CDH18: variants seen among roughly 807,000 people sequenced by gnomAD.
CDH18 encodes cadherin 18.
A neutral mutation model predicts 67.9 loss-of-function variants in CDH18; 31 were observed. The observed-to-expected ratio is 0.46, with a 90% confidence interval of 0.34 to 0.62. The LOEUF (loss-of-function observed/expected upper bound fraction) is 0.62, where lower values mean the gene tolerates loss of function less well. Ranked by LOEUF, CDH18 falls within the 20% of genes least tolerant of loss-of-function variation. The probability of loss-of-function intolerance (pLI) is 0.01; values close to 1 mark genes in which losing one functional copy is unlikely to be tolerated. For synonymous variants in CDH18, 362 were observed against 347.2 expected, an observed-to-expected ratio of 1.04 and a Z score of -0.48; for missense variants, 890 against 975.5, an observed-to-expected ratio of 0.91 and a Z score of 1.17.
At chr5:20,359,687 C>T (rs993348260) in intron 1 of CDH18, among the ~76,000 whole-genome samples, 1 of 152,140 alleles carries the variant, frequency 6.6e-6, no homozygotes, top group African/African-American at 2.4e-5. Flanking sequence ...ATATATATAT[C>T]AGCCTGTTTT....
At chr5:19,540,098 G>C (rs906343628) in intron 9 of CDH18, among the ~76,000 whole-genome samples, 1 of 143,292 alleles carries the variant, frequency 7.0e-6, no homozygotes, top group Non-Finnish European at 1.5e-5. Context: ...AGACACAATG[G>C]GGGTCTAGGA....
At chr5:20,104,271 C>A (rs934186412) in intron 2 of CDH18, among the ~76,000 whole-genome samples, 8 of 151,990 alleles carry the variant, frequency 5.3e-5, no homozygotes, top group Non-Finnish European at 8.8e-5. Context: ...CTCTACTGAA[C>A]AAATGTCATA....
In CDH18 at chr5:20,366,960, A is replaced by C. The variant is rs1742569537; in HGVS notation, c.-579-111455T>G. Among the ~76,000 whole-genome samples the C allele has an allele frequency of 2.0e-5, 3 of 152,222 alleles. No individual in the cohort carries two copies. In the South Asian group the frequency reaches 6.2e-4, roughly 32 times the overall value. On this transcript the variant is annotated intron_variant, in intron 1 of 14. Transcript: ENST00000507958. ...AGCTGTCATAGGTAATAGATTAGAC[A>C]GTGTATGCCCACTGGCTTCTCTTAA...
rs1301412237 is a variant in CDH18 at position 19,544,378 on chromosome 5, C to CA, written c.1254-374dup. Among the ~76,000 whole-genome samples the CA allele has an allele frequency of 2.6e-5, 4 of 151,366 alleles. No individual in the cohort carries two copies. The East Asian group carries it at 5.8e-4, about 22-fold the overall frequency. On this transcript the variant is annotated intron_variant, in intron 8 of 12. Coordinates refer to ENST00000382275, the MANE Select transcript of CDH18 (RefSeq NM_004934.5). ...AATAAGACTTCTTGTTGTTATTATT[C>CA]AAAAAAAATTAGAATCCTTGAAGTC... is the stretch of plus-strand genomic sequence containing the variant.
chr5:20,463,712 A>AG (rs1751433793), intron 1 of CDH18, among the ~76,000 whole-genome samples: 1 of 152,192 alleles, frequency 6.6e-6, no homozygotes. Context: ...GTGGGGACAC[A>AG]GCCAAACCGT....
intron 2 of CDH18, among the ~76,000 whole-genome samples, chr5:20,041,784 AG>A (rs1740440499): frequency 6.6e-6 from 1 of 152,228 alleles, no homozygotes; most frequent in Non-Finnish European, 1.5e-5. Flanking sequence ...ATGAGTCAGC[AG>A]TTGCAATGCC....
At chr5:20,150,001 C>A (rs73050770) in intron 2 of CDH18, among the ~76,000 whole-genome samples, 11,897 of 151,928 alleles carry the variant, frequency 0.078, 531 homozygotes, top group East Asian at 0.14. Flanking sequence ...AAAATGAACA[C>A]ATGTTATAAT....
chr5:20,239,751 C>T (rs1742749928), intron 2 of CDH18, among the ~76,000 whole-genome samples: 1 of 151,942 alleles, frequency 6.6e-6, no homozygotes, highest in African/African-American at 2.4e-5. Context: ...TATGAAGATG[C>T]TTGACAATCT....
At chr5:19,704,379 T>C (rs145701932) in intron 5 of CDH18, among the ~76,000 whole-genome samples, 2 of 152,302 alleles carry the variant, frequency 1.3e-5, no homozygotes, top group Non-Finnish European at 1.5e-5. Context: ...CCTGGGACTA[T>C]TCAACCAGTT....
At chr5:19,965,974 C>T (rs547901101) in intron 2 of CDH18, among the ~76,000 whole-genome samples, 4 of 152,138 alleles carry the variant, frequency 2.6e-5, no homozygotes, top group African/African-American at 9.6e-5. Context: ...ATGACAAAAA[C>T]CTGTAGTAAA....
At chr5:19,794,574 T>C (rs1400646860) in intron 3 of CDH18, among the ~76,000 whole-genome samples, 1 of 152,108 alleles carries the variant, frequency 6.6e-6, no homozygotes, top group East Asian at 1.9e-4. Flanking sequence ...TCCCTCTCTC[T>C]CTTTCTCTCT....
At chr5:19,532,197 T>C (rs1313367136) in intron 9 of CDH18, among the ~76,000 whole-genome samples, 1 of 152,184 alleles carries the variant, frequency 6.6e-6, no homozygotes, top group African/African-American at 2.4e-5. Context: ...ACAACATTTT[T>C]CTAATGCATC....
chr5:20,255,739 A>G (rs1465386549), intron 1 of CDH18, among the ~76,000 whole-genome samples: 1 of 152,012 alleles, frequency 6.6e-6, no homozygotes, highest in Non-Finnish European at 1.5e-5. Context: ...CGTGTTAGCC[A>G]TGTAGATATG....
chr5:19,902,841 C>T (rs1387852855), intron 2 of CDH18, among the ~76,000 whole-genome samples: 1 of 152,156 alleles, frequency 6.6e-6, no homozygotes, highest in Non-Finnish European at 1.5e-5. Context: ...CCTTATCTAT[C>T]TATATCTTGC....
intron 1 of CDH18, among the ~76,000 whole-genome samples, chr5:20,256,064 A>AT (rs1312429411): frequency 1.3e-5 from 2 of 152,018 alleles, no homozygotes; most frequent in Admixed American, 6.5e-5. Context: ...ATCAATAAAA[A>AT]ATATATATTG....
At chr5:20,183,968 G>A (rs977768285) in intron 2 of CDH18, among the ~76,000 whole-genome samples, 14 of 152,028 alleles carry the variant, frequency 9.2e-5, no homozygotes, top group Middle Eastern at 6.8e-3. Flanking sequence ...TGACTTACAC[G>A]AAAATATGTA....
At chr5:19,484,038 G>A (rs1739952712) in intron 11 of CDH18, among the ~76,000 whole-genome samples, 1 of 152,190 alleles carries the variant, frequency 6.6e-6, no homozygotes, top group Non-Finnish European at 1.5e-5. Flanking sequence ...TATTTCTATG[G>A]AGACAGTAGA....
chr5:19,891,559 G>T (rs1788784884), intron 2 of CDH18, among the ~76,000 whole-genome samples: 1 of 152,044 alleles, frequency 6.6e-6, no homozygotes, highest in Non-Finnish European at 1.5e-5. Flanking sequence ...GCCCCAAATT[G>T]ATCAAGATTC....
At position 20,525,256 on chromosome 5, in the gene CDH18, A is replaced by C. The variant is rs1163992264; in HGVS notation, c.-580+50206T>G. ...CCAAAGGTCTGAGATGCTCTTTTTG[A>C]GAATGCTGCTAACTGAATTACAAAG... On this transcript the variant is annotated intron_variant, in intron 1 of 14. Coordinates refer to the CDH18 transcript ENST00000507958. Among the ~76,000 whole-genome samples, 7 of 152,092 alleles carry C rather than the reference A, an allele frequency of 4.6e-5. No homozygotes were observed. The East Asian group carries it at 1.4e-3, about 29-fold the overall frequency.
Sources: allele counts gnomAD v4.1 joint callset (sites outside exome capture counted in the v4.1 genomes callset), GRCh38; gene constraint gnomAD v4.1.1; transcripts MANE v1.5; gene names NCBI Gene and HGNC (gene_info 2026-07-23, HGNC 2026-07-21).